The following GPR4 variants were observed in gnomAD, a reference collection of about 807,000 sequenced individuals.
GPR4 encodes G protein-coupled receptor 4.
A neutral mutation model predicts 17.8 loss-of-function variants in GPR4; 11 were observed. The observed-to-expected ratio is 0.62, with a 90% CI of 0.39 to 1.02. GPR4 has a LOEUF of 1.02. GPR4 is among the 50% of genes least tolerant of loss of function. The pLI, the probability that GPR4 is intolerant of heterozygous loss-of-function variation, is 0.00. For missense variants in GPR4, 364 were observed against 495.4 expected, an observed-to-expected ratio of 0.73 and a Z score of 2.52; for synonymous variants, 219 against 222.8, an observed-to-expected ratio of 0.98 and a Z score of 0.15.
intron 1 of GPR4, among the ~76,000 whole-genome samples, chr19:45,594,093 T>TATATTTTATATATATATATAA: frequency 8.9e-6 from 1 of 112,300 alleles, no homozygotes; most frequent in Non-Finnish European, 1.8e-5. Flanking sequence ...TATATATATA[T>TATATTTTATATATATATATAA]AAAATAGATG....
At position 45,590,210 on chromosome 19, in the gene GPR4, ATTTGTC is replaced by A. The variant is rs1969975101; in HGVS notation, c.*562_*567del. The A allele has an allele frequency of 2.0e-5, 3 of 151,958 alleles. No homozygotes were observed. The South Asian group carries it at 6.2e-4, about 32-fold the overall frequency. 9.4% of individuals were successfully genotyped at this position (151,958 alleles called of 1,614,324 possible). ...GAAAAAAAAAAATCTAACCTTCTCT[ATTTGTC>A]TTTATTTTCTGGAAACCAAATGTTT... On this transcript the variant is annotated 3_prime_UTR_variant, in exon 2 of 2. Coordinates refer to ENST00000323040, the MANE Select transcript of GPR4 (RefSeq NM_005282.3).
chr19:45,597,070 GCT>G lies in GPR4; in HGVS notation c.-831-4375_-831-4374del, dbSNP rs990543974. The stretch of plus-strand genomic sequence containing the variant: ...ACTTACCATACTCTCAGTCTGGAAT[GCT>G]CTTTTTTTTTTTTGGAGACAGAATC... On this transcript the variant is annotated intron_variant, in intron 1 of 1. Coordinates refer to ENST00000323040, the MANE Select transcript of GPR4 (RefSeq NM_005282.3). Among the ~76,000 whole-genome samples the G allele has an allele frequency of 1.2e-3, 177 of 149,606 alleles. 2 individuals carry two copies. The highest frequency in any genetic ancestry group is 4.4e-3 in the African/African-American group (176 of 39,876).
Position 45,590,638 on chromosome 19 carries a change from C to G in GPR4, c.*140G>C. 8.9e-7 allele frequency: 1 copy of G among 1,127,090 alleles called. No homozygotes were observed. The highest frequency in any genetic ancestry group is 1.6e-5 in the African/African-American group (1 of 64,000). 69.8% of individuals were successfully genotyped at this position (1,127,090 alleles called of 1,614,324 possible). A position where few individuals can be genotyped will look rare whatever the true frequency, so the allele number is the denominator to read the frequency against. ...GCACAAAGGTTGACCAGTGACACAC[C>G]AACCTCACTCTTCCTAAGTTCTTGT... On this transcript the variant is annotated 3_prime_UTR_variant, in exon 2 of 2. Transcript: ENST00000323040.
chr19:45,594,936 T>C (rs1305825750), intron 1 of GPR4, among the ~76,000 whole-genome samples: 5 of 151,094 alleles, frequency 3.3e-5, no homozygotes, highest in African/African-American at 1.2e-4. Context: ...TGAGCTGAGA[T>C]AGCATCACTG....
At chr19:45,595,644 G>C (rs1263626023) in intron 1 of GPR4, among the ~76,000 whole-genome samples, 1 of 152,140 alleles carries the variant, frequency 6.6e-6, no homozygotes, top group Non-Finnish European at 1.5e-5. Flanking sequence ...ACCCCGCAGA[G>C]AAGCAGAGCC....
chr19:45,594,421 CAAAAAAAA>C (rs11284570), intron 1 of GPR4, among the ~76,000 whole-genome samples: 1 of 75,802 alleles, frequency 1.3e-5, no homozygotes, highest in Non-Finnish European at 2.6e-5. Context: ...GACTCCGTCT[CAAAAAAAA>C]AAAAAAAAAA....
chr19:45,594,876 G>A (rs1339243873), intron 1 of GPR4, among the ~76,000 whole-genome samples: 3 of 151,874 alleles, frequency 2.0e-5, no homozygotes, highest in Admixed American at 1.3e-4. Context: ...CCAGCTACTC[G>A]GGATGCTGAG....
chr19:45,589,985 T>C lies in GPR4; in HGVS notation c.*793A>G, dbSNP rs919322663. 3 of 152,338 alleles carry C rather than the reference T, an allele frequency of 2.0e-5. No individual in the cohort carries two copies. The highest frequency in any genetic ancestry group is 2.0e-4 in the Admixed American group (3 of 15,278). The allele number at this position is 152,338 out of a possible 1,614,324, so 9.4% of individuals were successfully genotyped here. ...ACTCCTCCAGGCAGTCTGCCCTGAT[T>C]GCCCTTCACTTGAGTTCTGACATTC... is the stretch of plus-strand genomic sequence containing the variant. On this transcript the variant is annotated 3_prime_UTR_variant, in exon 2 of 2. Coordinates refer to ENST00000323040, the MANE Select transcript of GPR4 (RefSeq NM_005282.3).
chr19:45,591,527 C>A lies in GPR4; in HGVS notation c.340G>T (p.Asp114Tyr). The A allele has an allele frequency of 6.2e-7, 1 of 1,613,562 alleles. No individual in the cohort carries two copies. Among genetic ancestry groups the A allele is most frequent in the Non-Finnish European group, 8.5e-7 (1 of 1,179,898 alleles). ...SIAFLCCISV[D>Y]RYLAVAHPLR... ...GGGTGGGCCACAGCCAGGTAGCGGT[C>A]CACCGAGATGCAGCACAGGAAGGCG... Residue 114 changes from aspartate (D) to tyrosine (Y), a missense_variant, in exon 2 of 2, where the codon GAC becomes TAC. This residue lies in a region of GPR4 where 271 missense variants were observed against 373.1 expected (regional missense o/e 0.73). Coordinates refer to ENST00000323040, the MANE Select transcript of GPR4 (RefSeq NM_005282.3). This position sits in a 1 kb window ranked among gnomAD's most constrained non-coding sequence, Gnocchi z 7.6.
intron 1 of GPR4, among the ~76,000 whole-genome samples, chr19:45,593,294 T>C (rs1015810823): frequency 1.5e-5 from 2 of 132,988 alleles, no homozygotes; most frequent in African/African-American, 5.8e-5. Flanking sequence ...AGGTCAGGAG[T>C]TCAAGAACAG....
At chr19:45,594,738 TTTG>T (rs1189292737) in intron 1 of GPR4, among the ~76,000 whole-genome samples, 1 of 66,774 alleles carries the variant, frequency 1.5e-5, no homozygotes. Context: ...ATCCCAGCAC[TTTG>T]GGAGGCCAAG....
intron 1 of GPR4, among the ~76,000 whole-genome samples, chr19:45,599,230 C>T (rs916143878): frequency 9.2e-5 from 14 of 152,234 alleles, no homozygotes; most frequent in Non-Finnish European, 1.5e-4. Context: ...TTAGCAGCCT[C>T]GGCTGCCGCA....
rs1970002926 is a variant in GPR4, at chr19:45,592,007, G to T, written c.-141C>A. The T allele has an allele frequency of 3.4e-6, 3 of 890,618 alleles. No homozygotes were observed. Among genetic ancestry groups the T allele is most frequent in the Non-Finnish European group, 5.0e-6 (3 of 604,258 alleles). The allele number at this position is 890,618 out of a possible 1,614,324, so 55.2% of individuals were successfully genotyped here. On this transcript the variant is annotated 5_prime_UTR_variant, in exon 2 of 2. Coordinates refer to ENST00000323040, the MANE Select transcript of GPR4 (RefSeq NM_005282.3). Reference sequence around the variant, plus strand: ...GGTGGGATGTGGTCTACAGGGAAGAGATGAGGTTGGGTAGGCTGGGCTGGG... The same window carrying T: ...GGTGGGATGTGGTCTACAGGGAAGATATGAGGTTGGGTAGGCTGGGCTGGG...
intron 1 of GPR4, among the ~76,000 whole-genome samples, chr19:45,594,598 T>C (rs1391522443): frequency 1.3e-5 from 2 of 152,172 alleles, no homozygotes; most frequent in East Asian, 3.8e-4. Flanking sequence ...ACAGAGCTGT[T>C]CCAAGACCTG....
Position 45,592,122 on chromosome 19 carries a change from G to C in GPR4, c.-256C>G, listed in dbSNP as rs953238134. On this transcript the variant is annotated 5_prime_UTR_variant, in exon 2 of 2. Transcript: ENST00000323040. ...TCTGGAGGATGGTGAGATTAATAAA[G>C]AGGTTTTTCAAGGAGGTTATGTATG... The C allele has an allele frequency of 2.9e-5, 13 of 444,288 alleles. No individual in the cohort carries two copies. The highest frequency in any genetic ancestry group is 5.4e-5 in the Non-Finnish European group (13 of 240,668). 27.5% of individuals were successfully genotyped at this position (444,288 alleles called of 1,614,324 possible).
rs1482241253 is a variant in GPR4 at position 45,591,831 on chromosome 19, G to C, written c.36C>G (p.Asp12Glu). The change falls in exon 2 of 2, where the codon GAC (aspartate) becomes GAG (glutamate). Residue 12 changes from aspartate (D) to glutamate (E), a missense_variant. By Grantham distance (45) the Asp-to-Glu change is conservative. Coordinates refer to ENST00000323040, the MANE Select transcript of GPR4 (RefSeq NM_005282.3). The surrounding 1 kb of genome is among the most constrained non-coding windows in gnomAD (Gnocchi z 7.6). Reference sequence around the variant, plus strand: ...GCGGAAAGAGGTGGTCCACGCGCGAGTCCACGTGGCAGCCCTCCCACGTGT... The same window carrying C: ...GCGGAAAGAGGTGGTCCACGCGCGACTCCACGTGGCAGCCCTCCCACGTGT... ...GNHTWEGCHV[D>E]SRVDHLFPPS... 1.9e-6 allele frequency: 3 copies of C among 1,584,402 alleles called. No homozygotes were observed. The highest frequency in any genetic ancestry group is 2.7e-5 in the African/African-American group (2 of 74,398).
rs556523178 is a variant in GPR4, at chr19:45,599,428, C to T, written c.-832+2667G>A. Among the ~76,000 whole-genome samples the T allele has an allele frequency of 1.1e-4, 16 of 150,816 alleles. No homozygotes were observed. The East Asian group carries it at 2.7e-3, about 26-fold the overall frequency. On this transcript the variant is annotated intron_variant, in intron 1 of 1. Transcript: ENST00000323040. Reference sequence around the variant, plus strand: ...CTCTGTGGGCTCCTGCTCCCACCACCCCCCCCTCCCCGCCTTCTCCCTGCA... The same window carrying T: ...CTCTGTGGGCTCCTGCTCCCACCACTCCCCCCTCCCCGCCTTCTCCCTGCA...
Position 45,591,492 on chromosome 19 carries a change from G to A in GPR4, c.375C>T (p.Phe125=), listed in dbSNP as rs144692714. The stretch of plus-strand genomic sequence containing the variant: ...CGGTCTTGACGCGGCGCAGGCGGGC[G>A]AAGCGGAGTGGGTGGGCCACAGCCA... ...RYLAVAHPLR[F]ARLRRVKTAV... is the part of the protein sequence containing the mutation. Residue 125 remains phenylalanine (F), a synonymous_variant, in exon 2 of 2, where the codon TTC becomes TTT. Transcript: ENST00000323040. This position sits in a 1 kb window ranked among gnomAD's most constrained non-coding sequence, Gnocchi z 7.6. The A allele has an allele frequency of 3.1e-5, 50 of 1,610,762 alleles. No homozygotes were observed. The African/African-American group carries it at 5.3e-4, about 17-fold the overall frequency.
At chr19:45,595,883 A>T (rs56038031) in intron 1 of GPR4, among the ~76,000 whole-genome samples, 53,357 of 152,008 alleles carry the variant, frequency 0.35, 9,622 homozygotes, top group South Asian at 0.42. Context: ...AAAACATGTT[A>T]AAAATGGAGT....
Sources: allele counts gnomAD v4.1 joint callset (sites outside exome capture counted in the v4.1 genomes callset), GRCh38; gene constraint gnomAD v4.1.1; regional missense constraint gnomAD v4.1.1; non-coding constraint Gnocchi (gnomAD v3.1); transcripts MANE v1.5; gene names NCBI Gene and HGNC (gene_info 2026-07-23, HGNC 2026-07-21).